The following KCNJ12 variants were observed in gnomAD, a reference collection of about 807,000 sequenced individuals.
KCNJ12 encodes ATP-sensitive inward rectifier potassium channel 12.
A neutral mutation model predicts 22.3 loss-of-function variants in KCNJ12; 2 were observed. The observed-to-expected ratio is 0.09, with a 90% CI of 0.04 to 0.28. KCNJ12 has a LOEUF of 0.28. KCNJ12 is among the 10% of genes least tolerant of loss of function. The pLI is 1.00. For synonymous variants in KCNJ12, 117 were observed against 261.4 expected (o/e 0.45, Z 5.33); for missense variants, 155 against 633.3 (o/e 0.24, Z 8.11).
chr17:21,390,522 C>T (rs1379428038), intron 1 of KCNJ12, among the ~76,000 whole-genome samples: 1 of 152,108 alleles, frequency 6.6e-6, no homozygotes, highest in Non-Finnish European at 1.5e-5. Context: ...GGCCGGTGGC[C>T]AGAGGTGGAC....
chr17:21,381,591 C>A (rs891283944), intron 1 of KCNJ12, among the ~76,000 whole-genome samples: 1 of 152,142 alleles, frequency 6.6e-6, no homozygotes, highest in African/African-American at 2.4e-5. Flanking sequence ...TTTCCCAGAT[C>A]TCTGCACGGC....
intron 1 of KCNJ12, among the ~76,000 whole-genome samples, chr17:21,392,700 A>G (rs1268868327): frequency 6.6e-6 from 1 of 152,106 alleles, no homozygotes; most frequent in Admixed American, 6.5e-5. Context: ...GGCTGTGTAG[A>G]TGGGTTGTCT....
intron 1 of KCNJ12, among the ~76,000 whole-genome samples, chr17:21,398,487 C>A (rs1257156796): frequency 6.6e-6 from 1 of 152,230 alleles, no homozygotes; most frequent in Non-Finnish European, 1.5e-5. Flanking sequence ...GCATGCTGGG[C>A]CATCCCTCCA....
At chr17:21,400,335 A>C (rs1905532012) in intron 1 of KCNJ12, among the ~76,000 whole-genome samples, 1 of 152,248 alleles carries the variant, frequency 6.6e-6, no homozygotes, top group Non-Finnish European at 1.5e-5. Context: ...TGGGCTGGGG[A>C]CTCTGCTCTT....
chr17:21,407,316 C>A (rs1425303812), intron 1 of KCNJ12, among the ~76,000 whole-genome samples: 15 of 152,242 alleles, frequency 9.9e-5, no homozygotes, highest in Admixed American at 2.0e-4. Flanking sequence ...ATCCACCCAT[C>A]CACTCATCCA....
chr17:21,389,807 C>T (rs1255889290), intron 1 of KCNJ12, among the ~76,000 whole-genome samples: 2 of 152,122 alleles, frequency 1.3e-5, no homozygotes, highest in Non-Finnish European at 2.9e-5. Context: ...CATCCCTGGG[C>T]CCCAGGCAGG....
intron 1 of KCNJ12, among the ~76,000 whole-genome samples, chr17:21,381,988 A>G (rs1904884419): frequency 6.6e-6 from 1 of 152,322 alleles, no homozygotes; most frequent in South Asian, 2.1e-4. Flanking sequence ...TCTGCAGATG[A>G]GAAAACTGAG....
rs1906925927 is a variant in KCNJ12 at position 21,417,652 on chromosome 17, A to G, written c.*1008A>G. ...TGGCAGCCCCGTCCCCACTGGGCCC[A>G]CAGTGTGAGTCGTGCCTTAGAGACT... On this transcript the variant is annotated 3_prime_UTR_variant, in exon 3 of 3. Coordinates refer to ENST00000583088, the MANE Select transcript of KCNJ12 (RefSeq NM_021012.5). 1 of 167,256 alleles carries G rather than the reference A, an allele frequency of 6.0e-6. No individual in the cohort carries two copies. Among genetic ancestry groups the G allele is most frequent in the African/African-American group, 2.4e-5 (1 of 41,460 alleles). The allele number at this position is 167,256 out of a possible 1,614,324, so 10.4% of individuals were successfully genotyped here.
chr17:21,384,833 C>G (rs1368877339), intron 1 of KCNJ12, among the ~76,000 whole-genome samples: 1 of 148,206 alleles, frequency 6.7e-6, no homozygotes, highest in South Asian at 2.1e-4. Context: ...AGTGCAATGG[C>G]GCGATCTCAG....
chr17:21,396,708 T>C lies in KCNJ12; in HGVS notation c.-178-11811T>C, dbSNP rs143929317. The stretch of plus-strand genomic sequence containing the variant: ...GATGTGATTCAAGGGCTCTTCACAG[T>C]GGTCACTGTCCTAACCACTGGACCC... On this transcript the variant is annotated intron_variant, in intron 1 of 2. Coordinates refer to ENST00000583088, the MANE Select transcript of KCNJ12 (RefSeq NM_021012.5). Among the ~76,000 whole-genome samples, 266 of 152,302 alleles carry C rather than the reference T, an allele frequency of 1.7e-3. 1 individual carries two copies. Among genetic ancestry groups the C allele is most frequent in the Non-Finnish European group, 2.8e-3 (193 of 68,002 alleles).
intron 1 of KCNJ12, among the ~76,000 whole-genome samples, chr17:21,383,637 C>T (rs1555558293): frequency 6.6e-6 from 1 of 152,224 alleles, no homozygotes; most frequent in Non-Finnish European, 1.5e-5. Flanking sequence ...GATCCCCAAT[C>T]ACAAGCCACC....
chr17:21,401,605 G>A (rs28503971), intron 1 of KCNJ12, among the ~76,000 whole-genome samples: 1 of 151,756 alleles, frequency 6.6e-6, no homozygotes, highest in East Asian at 1.9e-4. Flanking sequence ...GGAAACTGAG[G>A]CCCAGAGGGG....
chr17:21,378,521 A>G (rs782486658), intron 1 of KCNJ12, among the ~76,000 whole-genome samples: 5 of 152,052 alleles, frequency 3.3e-5, no homozygotes, highest in Admixed American at 1.3e-4. Flanking sequence ...GCCGCCTGAG[A>G]GAGAGCAGGG....
At chr17:21,406,892 C>T (rs1597574877) in intron 1 of KCNJ12, among the ~76,000 whole-genome samples, 1 of 152,298 alleles carries the variant, frequency 6.6e-6, no homozygotes, top group Admixed American at 6.5e-5. Context: ...CGTGGAGATC[C>T]TCAGAGCCCC....
chr17:21,409,085 C>G (rs1398728683), intron 2 of KCNJ12, among the ~76,000 whole-genome samples: 1 of 152,312 alleles, frequency 6.6e-6, no homozygotes, highest in Non-Finnish European at 1.5e-5. Flanking sequence ...TTCCTGGGTG[C>G]CCCTCTTTGC....
rs3752032 is a variant in KCNJ12, at chr17:21,415,359, G to A, written c.17G>A (p.Arg6Gln). 2.4e-5 allele frequency: 39 copies of A among 1,609,662 alleles called. No individual in the cohort carries two copies. The highest frequency in any genetic ancestry group is 1.6e-4 in the Middle Eastern group (1 of 6,062). Residue 6 changes from arginine to glutamine, a missense_variant, in exon 3 of 3, where the codon CGG (arginine) becomes CAG (glutamine). Transcript: ENST00000583088. MTAAS[R>Q]ANPYSIVSSE... ...ACCCCCGGGATGACCGCGGCCAGCC[G>A]GGCCAACCCCTACAGCATCGTGTCA...
intron 1 of KCNJ12, among the ~76,000 whole-genome samples, chr17:21,402,030 C>G (rs1213088552): frequency 6.6e-6 from 1 of 152,250 alleles, no homozygotes; most frequent in African/African-American, 2.4e-5. Flanking sequence ...AGAGGTGCTC[C>G]CATCTGCCCA....
chr17:21,412,643 G>T (rs35879558), intron 2 of KCNJ12, among the ~76,000 whole-genome samples: 3,159 of 145,316 alleles, frequency 0.022, no homozygotes, highest in African/African-American at 0.036. Flanking sequence ...CCCCCCTGCT[G>T]CCGGCTCCCT....
Position 21,417,088 on chromosome 17 carries a change from A to G in KCNJ12, c.*444A>G, listed in dbSNP as rs1362861866. 5.3e-6 allele frequency: 1 copy of G among 189,916 alleles called. No individual in the cohort carries two copies. The highest frequency in any genetic ancestry group is 1.2e-5 in the Non-Finnish European group (1 of 84,188). 11.8% of individuals were successfully genotyped at this position (189,916 alleles called of 1,614,324 possible). On this transcript the variant is annotated 3_prime_UTR_variant, in exon 3 of 3. Coordinates refer to ENST00000583088, the MANE Select transcript of KCNJ12 (RefSeq NM_021012.5). ...TTGGGTGAGACTGTTTACAAAAAAA[A>G]AAAATTACCATGCAATTGAAAAAAT...
Sources: gnomAD v4.1 joint callset for allele counts (sites outside exome capture counted in the v4.1 genomes callset) on GRCh38, gnomAD v4.1.1 for gene constraint, MANE v1.5 for transcripts, NCBI Gene and HGNC (gene_info 2026-07-23, HGNC 2026-07-21) for gene names.